The following PRKN variants were observed in gnomAD, a reference collection of about 807,000 sequenced individuals.
PRKN encodes the protein E3 ubiquitin-protein ligase parkin.
PRKN carries 56 observed loss-of-function variants against 59.5 expected under a neutral mutation model. The observed-to-expected ratio is 0.94, with a 90% CI of 0.76 to 1.18. PRKN has a LOEUF of 1.18. Ranked by LOEUF, PRKN falls within the 50% of genes most tolerant of loss-of-function variation. PRKN has a pLI of 0.00. For synonymous variants in PRKN, 250 were observed against 222.1 expected (o/e 1.13, Z -1.12); for missense variants, 657 against 596.4 (o/e 1.10, Z -1.06).
chr6:162,573,432 A>T (rs1205384678), intron 1 of PRKN, among the ~76,000 whole-genome samples: 3 of 151,898 alleles, frequency 2.0e-5, no homozygotes, highest in Non-Finnish European at 2.9e-5. Flanking sequence ...TGAGGATCAT[A>T]ACACCTTCGA....
chr6:162,393,409 C>A (rs1422660694), intron 2 of PRKN, among the ~76,000 whole-genome samples: 1 of 152,008 alleles, frequency 6.6e-6, no homozygotes, highest in African/African-American at 2.4e-5. Context: ...ATCCACCTGT[C>A]TTGGCCTCCC....
chr6:162,190,802 T>C (rs1323995497), intron 4 of PRKN, among the ~76,000 whole-genome samples: 1 of 152,326 alleles, frequency 6.6e-6, no homozygotes, highest in Non-Finnish European at 1.5e-5. Context: ...AAGAAAAGGC[T>C]ACTAAATTCT....
At chr6:161,799,926 G>A (rs1165123060) in intron 6 of PRKN, among the ~76,000 whole-genome samples, 1 of 152,126 alleles carries the variant, frequency 6.6e-6, no homozygotes, top group African/African-American at 2.4e-5. Context: ...AATTAATCAG[G>A]GGGTTAGTGT....
chr6:162,216,778 G>C (rs1469255694), intron 3 of PRKN, among the ~76,000 whole-genome samples: 4 of 152,082 alleles, frequency 2.6e-5, no homozygotes, highest in Admixed American at 2.0e-4. Flanking sequence ...GAGATGATGA[G>C]ACCAAGTTGC....
rs1178685765 is a variant in PRKN at position 161,359,480 on chromosome 6, C to T, written c.1285+608G>A. ...TGTCATTGCTCATCTGTGATGGTGC[C>T]GCTGACTCTGCCTTGCACACGTACA... On this transcript the variant is annotated intron_variant, in intron 11 of 11. Coordinates refer to ENST00000366898, the MANE Select transcript of PRKN (RefSeq NM_004562.3). This position sits in a 1 kb window ranked among gnomAD's most constrained non-coding sequence, Gnocchi z 5.4. 2.0e-5 allele frequency among the ~76,000 whole-genome samples: 3 copies of T among 152,132 alleles called. No individual in the cohort carries two copies. Among genetic ancestry groups the T allele is most frequent in the Non-Finnish European group, 2.9e-5 (2 of 68,020 alleles).
At chr6:161,706,283 G>C (rs1786490058) in intron 7 of PRKN, among the ~76,000 whole-genome samples, 1 of 152,130 alleles carries the variant, frequency 6.6e-6, no homozygotes, top group African/African-American at 2.4e-5. Context: ...GCATAGCTTT[G>C]CCCATGCAAG....
chr6:161,706,170 T>G (rs550994938), intron 7 of PRKN, among the ~76,000 whole-genome samples: 1 of 152,270 alleles, frequency 6.6e-6, no homozygotes, highest in African/African-American at 2.4e-5. Context: ...CCTAATGCAC[T>G]CAACATCAAC....
At chr6:162,212,147 C>T (rs1298459362) in intron 3 of PRKN, among the ~76,000 whole-genome samples, 1 of 151,994 alleles carries the variant, frequency 6.6e-6, no homozygotes, top group Non-Finnish European at 1.5e-5. Flanking sequence ...CATCTAAGAC[C>T]TCACTCAGGG....
At chr6:162,170,650 G>C (rs1017301306) in intron 4 of PRKN, among the ~76,000 whole-genome samples, 11 of 152,156 alleles carry the variant, frequency 7.2e-5, no homozygotes, top group Non-Finnish European at 1.0e-4. Flanking sequence ...TGAGAAATTA[G>C]CTGGGCCTCT....
chr6:161,705,118 G>A (rs1420310239), intron 7 of PRKN, among the ~76,000 whole-genome samples: 1 of 152,162 alleles, frequency 6.6e-6, no homozygotes, highest in African/African-American at 2.4e-5. Context: ...GGGCATGACT[G>A]TTTGATATGC....
chr6:162,708,617 T>A (rs1778416379), intron 1 of PRKN, among the ~76,000 whole-genome samples: 1 of 152,212 alleles, frequency 6.6e-6, no homozygotes, highest in African/African-American at 2.4e-5. Context: ...TTCTCCCACT[T>A]TGAAAATATC....
chr6:161,869,134 T>G (rs1794238624), intron 6 of PRKN, among the ~76,000 whole-genome samples: 1 of 152,306 alleles, frequency 6.6e-6, no homozygotes, highest in East Asian at 1.9e-4. Context: ...ATCCCAGCAC[T>G]TTGGGAGGCC....
intron 5 of PRKN, among the ~76,000 whole-genome samples, chr6:161,987,727 A>G (rs1781486836): frequency 6.6e-6 from 1 of 152,224 alleles, no homozygotes; most frequent in Non-Finnish European, 1.5e-5. Context: ...TGTTACATAG[A>G]TTGACTGAAA....
At chr6:161,748,047 C>T (rs1480236940) in intron 7 of PRKN, among the ~76,000 whole-genome samples, 3 of 152,176 alleles carry the variant, frequency 2.0e-5, no homozygotes, top group South Asian at 2.1e-4. Context: ...ATCTTGGCTT[C>T]ACTAGGCATA....
chr6:161,382,098 C>T (rs1240190312), intron 10 of PRKN, among the ~76,000 whole-genome samples: 4 of 112,364 alleles, frequency 3.6e-5, no homozygotes, highest in Admixed American at 1.1e-4. Context: ...GGTGAAAGAG[C>T]GAGACTCCAT....
rs187404592 is a variant in PRKN, at chr6:161,443,144, C to T, written c.1084-56267G>A. On this transcript the variant is annotated intron_variant, in intron 9 of 11. Transcript: ENST00000366898. ...CCAACATGGAAAAACCCCATCTCTACTAAAAATACAAAATTAGCTGGGTGT... is the reference window on the plus strand; with the variant it reads ...CCAACATGGAAAAACCCCATCTCTATTAAAAATACAAAATTAGCTGGGTGT... Among the ~76,000 whole-genome samples, 56 of 152,158 alleles carry T rather than the reference C, an allele frequency of 3.7e-4. No homozygotes were observed. The East Asian group carries it at 0.01, about 28-fold the overall frequency.
rs554704401 is a variant in PRKN, at chr6:161,559,634, C to T, written c.933+9721G>A. Among the ~76,000 whole-genome samples the T allele has an allele frequency of 2.6e-5, 4 of 152,196 alleles. No homozygotes were observed. The South Asian group carries it at 6.2e-4, about 24-fold the overall frequency. On this transcript the variant is annotated intron_variant, in intron 8 of 11. Transcript: ENST00000366898. ...CTTTCCCTGAATTCAGTATTTTCACCTCTCTTCTTTCTGCTTATTCTCTAG... is the reference window on the plus strand; with the variant it reads ...CTTTCCCTGAATTCAGTATTTTCACTTCTCTTCTTTCTGCTTATTCTCTAG...
chr6:162,159,040 T>C (rs2128316055), intron 4 of PRKN, among the ~76,000 whole-genome samples: 1 of 152,114 alleles, frequency 6.6e-6, no homozygotes, highest in African/African-American at 2.4e-5. Context: ...GCCCATTTAC[T>C]TGTGTTTGTA....
chr6:162,596,959 T>C (rs1413704089), intron 1 of PRKN, among the ~76,000 whole-genome samples: 1 of 152,142 alleles, frequency 6.6e-6, no homozygotes, highest in Non-Finnish European at 1.5e-5. Context: ...CTATACTAGT[T>C]CCGGGTTTCA....
Sources: allele counts gnomAD v4.1 joint callset (sites outside exome capture counted in the v4.1 genomes callset), GRCh38; gene constraint gnomAD v4.1.1; non-coding constraint Gnocchi (gnomAD v3.1); transcripts MANE v1.5; gene names NCBI Gene and HGNC (gene_info 2026-07-23, HGNC 2026-07-21).